IRAK2: variants seen among roughly 807,000 people sequenced by gnomAD.
IRAK2 encodes interleukin 1 receptor associated kinase 2.
In IRAK2, 57 loss-of-function variants were observed where a neutral mutation model predicts 72.0. That is an observed-to-expected ratio of 0.79 (90% CI 0.64 to 0.99). The LOEUF is 0.99. Ranked by LOEUF, IRAK2 falls within the 50% of genes least tolerant of loss-of-function variation. The probability of loss-of-function intolerance (pLI) is 0.00; values close to 1 mark genes in which losing one functional copy is unlikely to be tolerated. For missense variants in IRAK2, 790 were observed against 794.4 expected (o/e 0.99, Z 0.07); for synonymous variants, 293 against 312.7 (o/e 0.94, Z 0.67).
At chr3:10,168,990 CG>C (rs1696747688) in intron 1 of IRAK2, among the ~76,000 whole-genome samples, 4 of 152,128 alleles carry the variant, frequency 2.6e-5, no homozygotes, top group African/African-American at 9.7e-5. Flanking sequence ...CCCTAAGTGT[CG>C]GCCGGTCTGA....
chr3:10,224,049 G>T (rs1329507441), intron 9 of IRAK2, among the ~76,000 whole-genome samples: 2 of 152,150 alleles, frequency 1.3e-5, no homozygotes, highest in Non-Finnish European at 2.9e-5. Context: ...AAGAACCAGG[G>T]GGATGGGCAG....
intron 12 of IRAK2, among the ~76,000 whole-genome samples, chr3:10,240,537 G>GCCCCCCCCACCC (rs1698037365): frequency 1.1e-4 from 1 of 9,142 alleles, no homozygotes; most frequent in Non-Finnish European, 1.7e-4. Context: ...AAATTAGGAA[G>GCCCCCCCCACCC]CCCCCCCCCC....
intron 3 of IRAK2, among the ~76,000 whole-genome samples, chr3:10,207,629 C>T (rs2543462): frequency 1.3e-4 from 20 of 152,162 alleles, no homozygotes; most frequent in African/African-American, 4.1e-4. Flanking sequence ...TTTAACCTCA[C>T]GTTTAAGTGA....
At chr3:10,166,002 T>C (rs1036756038) in intron 1 of IRAK2, among the ~76,000 whole-genome samples, 50 of 152,056 alleles carry the variant, frequency 3.3e-4, no homozygotes, top group Non-Finnish European at 6.0e-4. Flanking sequence ...GTGCTGGGAT[T>C]ACAGGCATGA....
At chr3:10,173,477 C>T (rs1042896531) in intron 1 of IRAK2, among the ~76,000 whole-genome samples, 2 of 152,148 alleles carry the variant, frequency 1.3e-5, no homozygotes, top group Non-Finnish European at 2.9e-5. Flanking sequence ...TAGCAGAAGG[C>T]CTTGGTAGTG....
At chr3:10,221,208 C>A (rs577877093) in intron 8 of IRAK2, among the ~76,000 whole-genome samples, 1 of 146,708 alleles carries the variant, frequency 6.8e-6, no homozygotes, top group African/African-American at 2.5e-5. Context: ...CTGGCTAACA[C>A]GGTGAAACCT....
chr3:10,179,116 T>A (rs1250886967), intron 2 of IRAK2, among the ~76,000 whole-genome samples: 1 of 152,130 alleles, frequency 6.6e-6, no homozygotes, highest in Non-Finnish European at 1.5e-5. Flanking sequence ...TAGTAGCACA[T>A]CATGTATTGT....
intron 2 of IRAK2, among the ~76,000 whole-genome samples, chr3:10,182,007 A>T (rs1426619290): frequency 1.5e-5 from 2 of 134,040 alleles, no homozygotes; most frequent in African/African-American, 5.7e-5. Context: ...TTGCTCTGTC[A>T]CCCAGGCTGG....
intron 8 of IRAK2, among the ~76,000 whole-genome samples, chr3:10,222,194 G>T (rs1697708687): frequency 1.3e-5 from 2 of 152,004 alleles, no homozygotes; most frequent in South Asian, 2.1e-4. Flanking sequence ...GGCCAAGAGG[G>T]AATTTTTTTT....
Position 10,184,790 on chromosome 3 carries a change from C to A in IRAK2, c.277+6770C>A, listed in dbSNP as rs551549700. ...TGTCGCCCAGGCTGGAGTGCAGTGG[C>A]GCGATCTCGGCTCACTGCAAGCTCC... On this transcript the variant is annotated intron_variant, in intron 2 of 12. Transcript: ENST00000256458. Among the ~76,000 whole-genome samples the A allele has an allele frequency of 1.2e-3, 161 of 138,794 alleles. 2 individuals are homozygous for A. Among genetic ancestry groups the A allele is most frequent in the Admixed American group, 8.8e-3 (109 of 12,452 alleles). 91.1% of individuals were successfully genotyped at this position (138,794 alleles called of 152,430 possible). A position where few individuals can be genotyped will look rare whatever the true frequency, so the allele number is the denominator to read the frequency against.
chr3:10,219,178 C>T (rs763737987), intron 7 of IRAK2, among the ~76,000 whole-genome samples: 22 of 152,120 alleles, frequency 1.4e-4, no homozygotes, highest in Non-Finnish European at 3.1e-4. Context: ...GGTGACAGAG[C>T]AAGACCTGTC....
Position 10,165,052 on chromosome 3 carries a change from A to G in IRAK2, c.94+4A>G, listed in dbSNP as rs1322920229. The G allele has an allele frequency of 6.2e-7, 1 of 1,608,694 alleles. No individual in the cohort carries two copies. Among genetic ancestry groups the G allele is most frequent in the Non-Finnish European group, 8.5e-7 (1 of 1,178,432 alleles). ...GAGTGGGACTGGATGGAGTTCGGTGAGTGCGGCCCGGGGAGGGGAGGGGAC... is the reference window on the plus strand; with the variant it reads ...GAGTGGGACTGGATGGAGTTCGGTGGGTGCGGCCCGGGGAGGGGAGGGGAC... On this transcript the variant is annotated splice_donor_region_variant and intron_variant, in intron 1 of 12. Transcript: ENST00000256458.
Position 10,177,844 on chromosome 3 carries a change from A to G in IRAK2, c.101A>G (p.Tyr34Cys), listed in dbSNP as rs1330697284. The G allele has an allele frequency of 4.3e-6, 7 of 1,612,426 alleles. No homozygotes were observed. In the African/African-American group the frequency reaches 6.7e-5, roughly 15 times the overall value. The change falls in exon 2 of 13, where the codon TAC becomes TGC. Residue 34 changes from tyrosine (Y) to cysteine (C), a missense_variant. Tyr to Cys is a radical substitution (Grantham distance 194). Coordinates refer to ENST00000256458, the MANE Select transcript of IRAK2 (RefSeq NM_001570.4). ...TTCTCTCCGTCCCTTCCAGCCTCCT[A>G]CGTGATCACAGACCTGACCCAGCTG... ...SEWDWMEFAS[Y>C]VITDLTQLRK...
intron 1 of IRAK2, among the ~76,000 whole-genome samples, chr3:10,169,620 C>G (rs1696764469): frequency 6.6e-6 from 1 of 152,228 alleles, no homozygotes; most frequent in Non-Finnish European, 1.5e-5. Context: ...CCCTTGTTCC[C>G]TGAACATCAC....
At chr3:10,185,457 C>A (rs1399192557) in intron 2 of IRAK2, among the ~76,000 whole-genome samples, 1 of 145,774 alleles carries the variant, frequency 6.9e-6, no homozygotes, top group African/African-American at 2.6e-5. Context: ...CTCAGGAAGG[C>A]TGAGGCAGGC....
At chr3:10,184,723 GTTTT>G (rs55839723) in intron 2 of IRAK2, among the ~76,000 whole-genome samples, 6 of 102,022 alleles carry the variant, frequency 5.9e-5, no homozygotes, top group Middle Eastern at 6.6e-3. Flanking sequence ...GTTTTTGTGT[GTTTT>G]TTTTTTTTTT....
chr3:10,195,993 G>A (rs1204433172), intron 2 of IRAK2, among the ~76,000 whole-genome samples: 1 of 152,172 alleles, frequency 6.6e-6, no homozygotes, highest in African/African-American at 2.4e-5. Context: ...CCTTCCAAGG[G>A]AGCACAGGCA....
chr3:10,172,785 C>T (rs1267012804), intron 1 of IRAK2, among the ~76,000 whole-genome samples: 1 of 145,068 alleles, frequency 6.9e-6, no homozygotes, highest in African/African-American at 2.6e-5. Context: ...TTGTGGTGAG[C>T]CAAGATCGCG....
At chr3:10,176,620 G>A (rs928352442) in intron 1 of IRAK2, among the ~76,000 whole-genome samples, 3 of 151,482 alleles carry the variant, frequency 2.0e-5, no homozygotes, top group African/African-American at 7.3e-5. Flanking sequence ...TGGGACTACA[G>A]GTGCACGCCA....
Sources: gnomAD v4.1 joint callset for allele counts (sites outside exome capture counted in the v4.1 genomes callset) on GRCh38, gnomAD v4.1.1 for gene constraint, MANE v1.5 for transcripts, NCBI Gene and HGNC (gene_info 2026-07-23, HGNC 2026-07-21) for gene names.